The following EML1 variants were observed in gnomAD, a reference collection of about 807,000 sequenced individuals.
The protein encoded by EML1 is echinoderm microtubule-associated protein-like 1.
EML1 carries 27 observed loss-of-function variants against 110.4 expected under a neutral mutation model. The ratio of observed to expected loss-of-function variants is 0.24; its 90% CI spans 0.18 to 0.34. The LOEUF (loss-of-function observed/expected upper bound fraction) is 0.34, where lower values mean the gene tolerates loss of function less well. Among genes scored for constraint, EML1 ranks in the 10% least tolerant of loss-of-function variants. The probability of loss-of-function intolerance (pLI) is 1.00; values close to 1 mark genes in which losing one functional copy is unlikely to be tolerated. For synonymous variants in EML1, 344 were observed against 385.8 expected (o/e 0.89, Z 1.27); for missense variants, 741 against 1,030.9 (o/e 0.72, Z 3.85).
rs531122871 is a variant in EML1, at chr14:99,794,353, T to A, written c.67+810T>A. ...AGTTAACCACACTTTTTTTTTTTTT[T>A]ACATGTTGGATTTATTGCTCCATCA... On this transcript the variant is annotated intron_variant, in intron 1 of 21. Transcript: ENST00000262233. Among the ~76,000 whole-genome samples the A allele has an allele frequency of 9.9e-4, 150 of 151,988 alleles. 2 individuals are homozygous for A. The East Asian group carries it at 0.024, about 24-fold the overall frequency.
chr14:99,739,566 G>C (rs1160243349), intron 1 of EML1, among the ~76,000 whole-genome samples: 1 of 152,168 alleles, frequency 6.6e-6, no homozygotes, highest in African/African-American at 2.4e-5. Context: ...TTCCAGGCTG[G>C]CTCTGTCTGC....
At chr14:99,739,337 A>G (rs2057014351) in intron 1 of EML1, among the ~76,000 whole-genome samples, 1 of 152,150 alleles carries the variant, frequency 6.6e-6, no homozygotes, top group Non-Finnish European at 1.5e-5. Context: ...CCTCTCCACC[A>G]GGGACATGGC....
At chr14:99,898,199 A>T in intron 7 of EML1, 34 bp from the exon 8 acceptor site, 2 of 1,540,336 alleles carry the variant, frequency 1.3e-6, no homozygotes, top group Non-Finnish European at 1.8e-6. Context: ...CTTACCTGCA[A>T]CATGTAGATG....
At chr14:99,937,721 C>A in intron 19 of EML1, 96 bp from the exon 20 acceptor site, 1 of 1,110,030 alleles carries the variant, frequency 9.0e-7, no homozygotes, top group South Asian at 1.4e-5. Context: ...AGGAAGGGCT[C>A]TGTACCCAAC....
At chr14:99,864,926 T>C (rs938183312) in intron 2 of EML1, among the ~76,000 whole-genome samples, 1 of 152,174 alleles carries the variant, frequency 6.6e-6, no homozygotes, top group Non-Finnish European at 1.5e-5. Context: ...GCTTATGTTC[T>C]GTAAAACAGT....
intron 2 of EML1, among the ~76,000 whole-genome samples, chr14:99,856,602 CTTTT>C (rs1161573412): frequency 1.3e-5 from 2 of 152,048 alleles, no homozygotes; most frequent in Non-Finnish European, 2.9e-5. Flanking sequence ...AGAAAAAAAT[CTTTT>C]CTCTTTTGCT....
chr14:99,804,147 G>C (rs2057930782), intron 1 of EML1, among the ~76,000 whole-genome samples: 1 of 152,174 alleles, frequency 6.6e-6, no homozygotes. Flanking sequence ...TGCCTTCCTT[G>C]AAAATGGCCT....
At chr14:99,844,892 A>G (rs1048940415) in intron 1 of EML1, among the ~76,000 whole-genome samples, 1 of 152,196 alleles carries the variant, frequency 6.6e-6, no homozygotes, top group African/African-American at 2.4e-5. Context: ...ATTCCATTGT[A>G]TGAGTGCACC....
At chr14:99,839,591 G>A (rs931854257) in intron 1 of EML1, among the ~76,000 whole-genome samples, 3 of 152,110 alleles carry the variant, frequency 2.0e-5, no homozygotes, top group Non-Finnish European at 2.9e-5. Flanking sequence ...TCCAACCTAA[G>A]GCTTGTAAAA....
intron 1 of EML1, among the ~76,000 whole-genome samples, chr14:99,778,104 T>C (rs2057502652): frequency 6.6e-6 from 1 of 152,234 alleles, no homozygotes. Flanking sequence ...TGAAAAGGTC[T>C]GGGCCAGGCA....
At chr14:99,863,467 C>T (rs1408456138) in intron 2 of EML1, among the ~76,000 whole-genome samples, 1 of 152,204 alleles carries the variant, frequency 6.6e-6, no homozygotes, top group Admixed American at 6.5e-5. Context: ...TGGTATCTTA[C>T]AGAATAGTTT....
chr14:99,828,614 AC>A (rs1053775265), intron 1 of EML1, among the ~76,000 whole-genome samples: 5 of 152,130 alleles, frequency 3.3e-5, no homozygotes, highest in African/African-American at 1.2e-4. Context: ...TATACACTTG[AC>A]CCTTGAACAA....
chr14:99,910,090 G>T, intron 11 of EML1, 152 bp from the exon 12 acceptor site: 1 of 532,514 alleles, frequency 1.9e-6, no homozygotes, highest in Non-Finnish European at 3.2e-6. Flanking sequence ...AGACAGAAAT[G>T]CAAGGTGTGC....
At chr14:99,919,398 CCACA>C (rs1566937733) in intron 16 of EML1, among the ~76,000 whole-genome samples, 1 of 130,996 alleles carries the variant, frequency 7.6e-6, no homozygotes, top group Non-Finnish European at 1.7e-5. Context: ...GTTTGTATAG[CCACA>C]CACACACATA....
chr14:99,821,023 CTTTTTTTTTT>C (rs869159128), intron 1 of EML1, among the ~76,000 whole-genome samples: 1 of 133,874 alleles, frequency 7.5e-6, no homozygotes, highest in Admixed American at 7.5e-5. Flanking sequence ...CTTACATTTA[CTTTTTTTTTT>C]TTTTTTTTTG....
At chr14:99,918,224 A>C (rs1273525995) in intron 16 of EML1, among the ~76,000 whole-genome samples, 1 of 152,202 alleles carries the variant, frequency 6.6e-6, no homozygotes, top group Non-Finnish European at 1.5e-5. Flanking sequence ...CAGCCTCCCA[A>C]GTAGCTGGGA....
chr14:99,918,100 C>T (rs921775352), intron 16 of EML1, among the ~76,000 whole-genome samples: 4 of 152,162 alleles, frequency 2.6e-5, no homozygotes, highest in African/African-American at 7.2e-5. Flanking sequence ...TAGACACACA[C>T]ACACTTTTTT....
intron 4 of EML1, chr14:99,885,916 C>T (rs1595434042): frequency 2.2e-6 from 1 of 455,228 alleles, no homozygotes; most frequent in Non-Finnish European, 4.4e-6. Context: ...CTCACCCAAG[C>T]CCTAGAACAC....
rs536471651 is a variant in EML1 at position 99,777,622 on chromosome 14, G to A, written c.-27+3609G>A. Among the ~76,000 whole-genome samples, 281 of 152,092 alleles carry A rather than the reference G, an allele frequency of 1.8e-3. 3 individuals are homozygous for A. Among genetic ancestry groups the A allele is most frequent in the Non-Finnish European group, 3.2e-3 (220 of 67,988 alleles). On this transcript the variant is annotated intron_variant, in intron 1 of 22. Transcript: ENST00000327921. ...TTTAGTAGAGACGGGGTTTCACCAC[G>A]TTGGCCAGGCTTGTCTCAAACTCCT...
Sources: gnomAD v4.1 joint callset for allele counts (sites outside exome capture counted in the v4.1 genomes callset) on GRCh38, gnomAD v4.1.1 for gene constraint, MANE v1.5 for transcripts, NCBI Gene and HGNC (gene_info 2026-07-23, HGNC 2026-07-21) for gene names.